SERPINB2: variants seen among roughly 807,000 people sequenced by gnomAD.
SERPINB2 encodes the protein plasminogen activator inhibitor 2.
SERPINB2 carries 28 observed loss-of-function variants against 39.4 expected under a neutral mutation model. That is an observed-to-expected ratio of 0.71 (90% CI 0.53 to 0.97). SERPINB2 has a LOEUF of 0.97. SERPINB2 is among the 50% of genes least tolerant of loss of function. The pLI, the probability that SERPINB2 is intolerant of heterozygous loss-of-function variation, is 0.00. For synonymous variants in SERPINB2, 209 were observed against 175.1 expected (o/e 1.19, Z -1.53); for missense variants, 557 against 505.3 (o/e 1.10, Z -0.98).
chr18:63,897,689 G>C, intron 4 of SERPINB2, 38 bp from the exon 5 acceptor site: 3 of 1,292,152 alleles, frequency 2.3e-6, no homozygotes, highest in Non-Finnish European at 3.4e-6. Context: ...TGTTTGGTAT[G>C]TATTTTATGT....
rs373076588 is a variant in SERPINB2 at position 63,903,067 on chromosome 18, G to A, written c.1010G>A (p.Arg337Gln). Residue 337 changes from arginine (R) to glutamine (Q), a missense_variant, in exon 8 of 8, where the codon CGG (arginine) becomes CAG (glutamine). Arg to Gln is a conservative substitution (Grantham distance 43). Transcript: ENST00000299502. The stretch of plus-strand genomic sequence containing the variant: ...ATGGAGGACGCCTTCAACAAGGGAC[G>A]GGCCAATTTCTCAGGGATGTCGGAG... The part of the protein sequence containing the change: ...MGMEDAFNKG[R>Q]ANFSGMSERN... The A allele has an allele frequency of 1.7e-5, 28 of 1,613,676 alleles. No homozygotes were observed. The highest frequency in any genetic ancestry group is 6.7e-5 in the African/African-American group (5 of 74,994).
chr18:63,887,883 C>A (rs144066244), intron 1 of SERPINB2, 113 bp downstream of exon 1: 1 of 151,966 alleles, frequency 6.6e-6, no homozygotes, highest in Non-Finnish European at 1.5e-5. Context: ...TTGTAGAGGG[C>A]GAGTAAAATT....
Position 63,902,993 on chromosome 18 carries a change from C to G in SERPINB2, c.936C>G (p.Phe312Leu). ...AAGTTGAGGTATACATACCCCAGTTCAAATTAGAAGAGCATTATGAACTCA... is the reference window on the plus strand; with the variant it reads ...AAGTTGAGGTATACATACCCCAGTTGAAATTAGAAGAGCATTATGAACTCA... ...EDEVEVYIPQ[F>L]KLEEHYELRS... The change falls in exon 8 of 8, where the codon TTC becomes TTG. Residue 312 changes from phenylalanine (F) to leucine (L), a missense_variant. Physicochemically the swap from Phe to Leu is conservative, Grantham distance 22. Transcript: ENST00000299502. 2 of 1,613,772 alleles carry G rather than the reference C, an allele frequency of 1.2e-6. No individual in the cohort carries two copies. The highest frequency in any genetic ancestry group is 1.7e-6 in the Non-Finnish European group (2 of 1,179,808).
intron 2 of SERPINB2, among the ~76,000 whole-genome samples, chr18:63,894,068 C>T (rs1330386481): frequency 6.6e-6 from 1 of 152,152 alleles, no homozygotes; most frequent in Non-Finnish European, 1.5e-5. Flanking sequence ...CAAACTGCCT[C>T]ACTATTTTCT....
intron 5 of SERPINB2, among the ~76,000 whole-genome samples, chr18:63,898,796 G>T (rs753130983): frequency 6.6e-6 from 1 of 152,104 alleles, no homozygotes; most frequent in Non-Finnish European, 1.5e-5. Flanking sequence ...TGCATGCCTG[G>T]GGGGAGATTT....
rs761682552 is a variant in SERPINB2 at position 63,895,315 on chromosome 18, G to T, written c.220G>T (p.Glu74Ter). The stretch of plus-strand genomic sequence containing the variant: ...CAATGCAGTTACCCCCATGACTCCA[G>T]AGAACTTTACCAGCTGTGGGTTCAT... Reference protein sequence around the residue: ...GANAVTPMTPENFTSCGFMQQ... With the variant: ...GANAVTPMTP Residue 74 changes from glutamate to a stop codon, truncating the protein, a stop_gained, in exon 3 of 8, where the codon GAG becomes TAG. Transcript: ENST00000299502. LOFTEE classifies it high-confidence loss of function. 4.8e-5 allele frequency: 77 copies of T among 1,613,986 alleles called. No homozygotes were observed. The highest frequency in any genetic ancestry group is 6.2e-5 in the Non-Finnish European group (73 of 1,179,998).
intron 1 of SERPINB2, among the ~76,000 whole-genome samples, chr18:63,888,881 C>T (rs767468099): frequency 6.6e-6 from 1 of 152,174 alleles, no homozygotes; most frequent in Non-Finnish European, 1.5e-5. Flanking sequence ...TTCCAGGAGG[C>T]TGTGGTATTT....
chr18:63,891,135 G>A (rs2049923183), intron 1 of SERPINB2, among the ~76,000 whole-genome samples: 1 of 152,158 alleles, frequency 6.6e-6, no homozygotes, highest in Admixed American at 6.5e-5. Context: ...ATGTATCTCA[G>A]GACTGGCTAT....
chr18:63,890,302 G>A (rs2049917608), intron 1 of SERPINB2, among the ~76,000 whole-genome samples: 2 of 152,176 alleles, frequency 1.3e-5, no homozygotes, highest in African/African-American at 4.8e-5. Flanking sequence ...GACCACAGGT[G>A]TACACAGCCA....
intron 2 of SERPINB2, among the ~76,000 whole-genome samples, chr18:63,893,612 G>T (rs2049940864): frequency 1.3e-5 from 2 of 152,202 alleles, no homozygotes; most frequent in South Asian, 4.1e-4. Flanking sequence ...TCATGGCTTT[G>T]TTCCTTACTA....
chr18:63,895,105 T>C (rs754822775), intron 2 of SERPINB2, among the ~76,000 whole-genome samples, 159 bp from the exon 3 acceptor site: 3 of 152,254 alleles, frequency 2.0e-5, no homozygotes, highest in Non-Finnish European at 4.4e-5. Flanking sequence ...GATACTTTTA[T>C]ATTACACAGA....
At chr18:63,893,360 C>T (rs190271361) in intron 2 of SERPINB2, among the ~76,000 whole-genome samples, 15 of 152,000 alleles carry the variant, frequency 9.9e-5, no homozygotes, top group African/African-American at 3.6e-4. Flanking sequence ...ACTGATTGCT[C>T]TGGACACAAG....
intron 6 of SERPINB2, 21 bp downstream of exon 6, chr18:63,901,903 T>C (rs755775130): frequency 2.5e-6 from 4 of 1,589,350 alleles, no homozygotes; most frequent in Admixed American, 3.8e-5. Context: ...ACAAAATACA[T>C]CTTCCTAGCA....
In SERPINB2 at chr18:63,895,473, G is replaced by T. The variant is rs1043204995; in HGVS notation, c.288+90G>T. The T allele has an allele frequency of 4.1e-6, 6 of 1,471,656 alleles. No individual in the cohort carries two copies. The Admixed American group carries it at 5.4e-5, about 13-fold the overall frequency. The allele number at this position is 1,471,656 out of a possible 1,614,324, so 91.2% of individuals were successfully genotyped here. On this transcript the variant is annotated intron_variant, in intron 3 of 7. Coordinates refer to ENST00000299502, the MANE Select transcript of SERPINB2 (RefSeq NM_002575.3). Reference sequence around the variant, plus strand: ...CACAGTGTCAGACTGGGAAGGAAGCGAATATACCCTCCCCCATTCACAGAA... The same window carrying T: ...CACAGTGTCAGACTGGGAAGGAAGCTAATATACCCTCCCCCATTCACAGAA...
chr18:63,901,999 G>A, intron 6 of SERPINB2, 117 bp downstream of exon 6: 2 of 989,094 alleles, frequency 2.0e-6, no homozygotes, highest in Non-Finnish European at 3.0e-6. Context: ...TATGCATGTT[G>A]GACAGTTGAT....
chr18:63,894,686 G>A (rs986568326), intron 2 of SERPINB2, among the ~76,000 whole-genome samples: 5 of 152,152 alleles, frequency 3.3e-5, no homozygotes, highest in Admixed American at 1.3e-4. Context: ...CTTACTATAC[G>A]AAGAGATTCA....
At chr18:63,888,147 G>A (rs533139955) in intron 1 of SERPINB2, among the ~76,000 whole-genome samples, 7 of 152,258 alleles carry the variant, frequency 4.6e-5, no homozygotes, top group African/African-American at 1.7e-4. Context: ...TTTCATTTAA[G>A]CAATTGAATG....
chr18:63,898,566 A>G (rs899957620), intron 5 of SERPINB2, among the ~76,000 whole-genome samples: 3 of 152,198 alleles, frequency 2.0e-5, no homozygotes, highest in Non-Finnish European at 4.4e-5. Context: ...ATATTCCAGA[A>G]ACTATATGTG....
chr18:63,900,854 A>G (rs1309894511), intron 5 of SERPINB2, among the ~76,000 whole-genome samples: 1 of 152,122 alleles, frequency 6.6e-6, no homozygotes, highest in Non-Finnish European at 1.5e-5. Context: ...TGTATTTGTC[A>G]GTAGTTTTGA....
Sources: allele counts gnomAD v4.1 joint callset (sites outside exome capture counted in the v4.1 genomes callset), GRCh38; gene constraint gnomAD v4.1.1; transcripts MANE v1.5; gene names NCBI Gene and HGNC (gene_info 2026-07-23, HGNC 2026-07-21).